WDR62: variants seen among roughly 807,000 people sequenced by gnomAD.
WDR62 encodes the protein WD repeat domain 62.
Under a neutral mutation model 160.6 loss-of-function variants are expected in WDR62, and 112 were observed. That is an observed-to-expected ratio of 0.70 (90% CI 0.60 to 0.82). WDR62 has a LOEUF of 0.82. Among genes scored for constraint, WDR62 ranks in the 40% least tolerant of loss-of-function variants. WDR62 has a pLI of 0.00. For missense variants in WDR62, 1,819 were observed against 1,983.8 expected, an observed-to-expected ratio of 0.92 and a Z score of 1.58; for synonymous variants, 792 against 815.1, an observed-to-expected ratio of 0.97 and a Z score of 0.48.
chr19:36,094,983 A>G (rs1333578535), intron 20 of WDR62, among the ~76,000 whole-genome samples: 2 of 152,160 alleles, frequency 1.3e-5, no homozygotes, highest in African/African-American at 4.8e-5. Context: ...ATGAGCTATG[A>G]TTGCACCACT....
At chr19:36,060,057 G>A in intron 3 of WDR62, 27 bp downstream of exon 3, 2 of 1,613,632 alleles carry the variant, frequency 1.2e-6, no homozygotes, top group South Asian at 1.1e-5. Context: ...GCCCGGGGCA[G>A]GGGTGGAACC....
chr19:36,107,337 T>C (rs62111376), downstream of WDR62, among the ~76,000 whole-genome samples: 27,830 of 152,172 alleles, frequency 0.18, 3,587 homozygotes, highest in African/African-American at 0.37. Flanking sequence ...GTGCCTGGCA[T>C]AAGCCTGGAA....
intron 19 of WDR62, among the ~76,000 whole-genome samples, chr19:36,093,709 G>C (rs1409014886): frequency 6.6e-6 from 1 of 152,212 alleles, no homozygotes; most frequent in African/African-American, 2.4e-5. Context: ...CCGTACTCGG[G>C]AAGAGCCACC....
Position 36,087,859 on chromosome 19 carries a change from C to T in WDR62, c.1768+1047C>T, listed in dbSNP as rs145205873. Among the ~76,000 whole-genome samples, 946 of 152,110 alleles carry T rather than the reference C, an allele frequency of 6.2e-3. 9 individuals are homozygous for T. Among genetic ancestry groups the T allele is most frequent in the South Asian group, 0.041 (198 of 4,812 alleles). ...TAAAAAATAAGCTGGGCGTGGTGGC[C>T]GAAGTGAGTATCCACAGTTCTTAGG... On this transcript the variant is annotated intron_variant, in intron 13 of 31. Transcript: ENST00000401500.
intron 7 of WDR62, among the ~76,000 whole-genome samples, chr19:36,068,754 T>A (rs555509798): frequency 2.0e-5 from 3 of 152,352 alleles, no homozygotes; most frequent in East Asian, 3.9e-4. Context: ...CATGTCTACT[T>A]CTTTCTACAC....
intron 24 of WDR62, 140 bp from the exon 25 acceptor site, chr19:36,101,524 C>A: frequency 1.2e-6 from 1 of 804,274 alleles, no homozygotes. Flanking sequence ...GTGGAACTTC[C>A]CTTATTCATA....
intron 11 of WDR62, among the ~76,000 whole-genome samples, chr19:36,083,818 C>T (rs1305693586): frequency 1.3e-5 from 2 of 152,158 alleles, no homozygotes; most frequent in African/African-American, 4.8e-5. Flanking sequence ...CATAAAGGGG[C>T]AGCAGCCACC....
downstream of WDR62, among the ~76,000 whole-genome samples, chr19:36,106,180 T>C (rs1444244507): frequency 6.6e-6 from 1 of 152,038 alleles, no homozygotes; most frequent in Admixed American, 6.6e-5. Context: ...ACAGCAGGCA[T>C]CTGGCCACAT....
Position 36,101,294 on chromosome 19 carries a change from C to G in WDR62, c.2948C>G (p.Pro983Arg), listed in dbSNP as rs1163389237. 8.1e-6 allele frequency: 13 copies of G among 1,611,842 alleles called. No individual in the cohort carries two copies. The highest frequency in any genetic ancestry group is 1.3e-5 in the African/African-American group (1 of 74,912). ...TACCTCAGGGTGTCCTCCGACAGCC[C>G]AAAGGACCAGAGCCCGCCTGAGGGT... ...DSYLRVSSDS[P>R]KDQSPPEDSG... Residue 983 changes from proline to arginine, a missense_variant, in exon 24 of 32, where the codon CCA becomes CGA. Physicochemically the swap from Pro to Arg is moderately radical, Grantham distance 103 (BLOSUM62 -2). Transcript: ENST00000401500.
chr19:36,094,832 G>C (rs945516769), intron 20 of WDR62, among the ~76,000 whole-genome samples: 14 of 151,992 alleles, frequency 9.2e-5, no homozygotes, highest in African/African-American at 3.4e-4. Flanking sequence ...CCAGGAGTTT[G>C]AGACCAGCCT....
chr19:36,105,785 G>A (rs918916435), downstream of WDR62, among the ~76,000 whole-genome samples: 1 of 152,028 alleles, frequency 6.6e-6, no homozygotes. Flanking sequence ...TGCAACCTCC[G>A]CCTCCCGGGT....
chr19:36,088,916 A>T, intron 13 of WDR62, 122 bp from the exon 14 acceptor site: 1 of 1,118,018 alleles, frequency 8.9e-7, no homozygotes, highest in Non-Finnish European at 1.3e-6. Context: ...CCACCTCACC[A>T]CCTTTAGGAA....
chr19:36,055,342 C>G (rs767852042), intron 1 of WDR62, among the ~76,000 whole-genome samples, 194 bp downstream of exon 1: 4 of 152,180 alleles, frequency 2.6e-5, no homozygotes, highest in Non-Finnish European at 5.9e-5. Context: ...TTCCCGGCTC[C>G]ACCCTCAGCG....
intron 3 of WDR62, chr19:36,060,638 G>T (rs949867794): frequency 1.3e-5 from 2 of 154,196 alleles, no homozygotes; most frequent in Non-Finnish European, 2.9e-5. Context: ...GCAGCCACAG[G>T]AGGGCACCAC....
chr19:36,086,839 C>T (rs202208775), intron 13 of WDR62, 27 bp downstream of exon 13: 27 of 1,603,834 alleles, frequency 1.7e-5, no homozygotes, highest in South Asian at 4.5e-5. Flanking sequence ...CCGCTCCCTG[C>T]GCCTTGCTAG....
At chr19:36,059,095 G>A (rs765007618) in intron 2 of WDR62, 2 of 682,770 alleles carry the variant, frequency 2.9e-6, no homozygotes, top group Admixed American at 2.0e-5. Context: ...ATGACTACAG[G>A]GGGGAGGTGA....
chr19:36,082,991 G>A (rs1454951540), intron 10 of WDR62, 72 bp from the exon 11 acceptor site: 6 of 1,369,918 alleles, frequency 4.4e-6, no homozygotes, highest in Non-Finnish European at 4.1e-6. Flanking sequence ...GAAGAGACTG[G>A]CTATGGAGGG....
At chr19:36,095,189 A>G (rs936308627) in intron 20 of WDR62, among the ~76,000 whole-genome samples, 1 of 152,162 alleles carries the variant, frequency 6.6e-6, no homozygotes, top group Non-Finnish European at 1.5e-5. Flanking sequence ...TGTTAAAAGG[A>G]AGATTTTTTT....
chr19:36,111,104 G>A, the WDR62 span: 1 of 1,125,204 alleles, frequency 8.9e-7, no homozygotes, highest in South Asian at 1.5e-5. Flanking sequence ...AGGTTCCTCA[G>A]AGGCTTCCCC....
Sources: allele counts gnomAD v4.1 joint callset (sites outside exome capture counted in the v4.1 genomes callset), GRCh38; gene constraint gnomAD v4.1.1; transcripts MANE v1.5; gene names NCBI Gene and HGNC (gene_info 2026-07-23, HGNC 2026-07-21).